SYT16: variants seen among roughly 807,000 people sequenced by gnomAD.
The protein encoded by SYT16 is synaptotagmin 16.
Under a neutral mutation model 61.4 loss-of-function variants are expected in SYT16, and 42 were observed. The observed-to-expected ratio is 0.68, with a 90% CI of 0.53 to 0.89. The LOEUF is 0.89. Ranked by LOEUF, SYT16 falls within the 40% of genes least tolerant of loss-of-function variation. SYT16 has a pLI of 0.00. For missense variants in SYT16, 804 were observed against 807.3 expected, an observed-to-expected ratio of 1.00 and a Z score of 0.05; for synonymous variants, 314 against 302.3, an observed-to-expected ratio of 1.04 and a Z score of -0.40.
chr14:62,024,440 TTAAAA>T (rs770230551), intron 3 of SYT16, among the ~76,000 whole-genome samples: 11 of 152,104 alleles, frequency 7.2e-5, no homozygotes, highest in Non-Finnish European at 1.5e-4. Context: ...TGTATTATCC[TTAAAA>T]TAAAAATTAT....
intron 3 of SYT16, among the ~76,000 whole-genome samples, chr14:61,999,558 A>G (rs1211623679): frequency 6.6e-6 from 1 of 151,530 alleles, no homozygotes; most frequent in Non-Finnish European, 1.5e-5. Context: ...TTTTCCAAAT[A>G]TCTCATTTTT....
chr14:61,927,676 C>T (rs1039785797), intron 1 of SYT16, among the ~76,000 whole-genome samples: 7 of 152,206 alleles, frequency 4.6e-5, no homozygotes, highest in Non-Finnish European at 8.8e-5. Flanking sequence ...TCTACCTCCT[C>T]GTTAGCAAAC....
chr14:61,953,054 CTT>C (rs2050734834), intron 1 of SYT16, among the ~76,000 whole-genome samples: 1 of 152,102 alleles, frequency 6.6e-6, no homozygotes, highest in Non-Finnish European at 1.5e-5. Context: ...TTGTTCTTCT[CTT>C]CTTTTAGTTC....
chr14:61,940,523 A>G (rs2050166236), intron 1 of SYT16, among the ~76,000 whole-genome samples: 1 of 152,204 alleles, frequency 6.6e-6, no homozygotes, highest in Non-Finnish European at 1.5e-5. Flanking sequence ...AGCATTCTGC[A>G]ACTTTGGATA....
chr14:61,886,512 T>C (rs918293100), intron 1 of SYT16, among the ~76,000 whole-genome samples: 1 of 152,244 alleles, frequency 6.6e-6, no homozygotes, highest in African/African-American at 2.4e-5. Flanking sequence ...CAGGAGTAGA[T>C]TCTGTCTTAA....
At chr14:61,888,485 G>T (rs2048000417) in intron 1 of SYT16, among the ~76,000 whole-genome samples, 1 of 152,126 alleles carries the variant, frequency 6.6e-6, no homozygotes, top group Non-Finnish European at 1.5e-5. Flanking sequence ...GGAGAGATGT[G>T]GGGGAATGAC....
intron 1 of SYT16, among the ~76,000 whole-genome samples, chr14:61,817,640 A>G (rs560475406): frequency 6.6e-6 from 1 of 152,298 alleles, no homozygotes; most frequent in Non-Finnish European, 1.5e-5. Flanking sequence ...TAAAGAGACC[A>G]CTAAATGCAA....
chr14:61,963,159 G>A (rs1465246459), intron 1 of SYT16, among the ~76,000 whole-genome samples: 1 of 151,976 alleles, frequency 6.6e-6, no homozygotes, highest in Non-Finnish European at 1.5e-5. Context: ...TTAAAATTAG[G>A]CCAATTAACA....
intron 1 of SYT16, among the ~76,000 whole-genome samples, chr14:61,858,128 A>C (rs895663515): frequency 7.9e-6 from 1 of 126,120 alleles, no homozygotes; most frequent in Non-Finnish European, 1.6e-5. Flanking sequence ...GGCAAAAAAA[A>C]AAAAAAAAAA....
At chr14:61,859,673 C>T (rs2046907595) in intron 1 of SYT16, among the ~76,000 whole-genome samples, 1 of 151,958 alleles carries the variant, frequency 6.6e-6, no homozygotes, top group African/African-American at 2.4e-5. Flanking sequence ...ATACCCCAGA[C>T]AATGTAGCCT....
intron 1 of SYT16, among the ~76,000 whole-genome samples, chr14:61,885,409 G>T (rs2047862126): frequency 6.8e-6 from 1 of 148,124 alleles, no homozygotes; most frequent in Non-Finnish European, 1.5e-5. Context: ...TGATGATGAT[G>T]ATTACTGAGG....
At chr14:61,925,151 G>A (rs1207198704) in intron 1 of SYT16, among the ~76,000 whole-genome samples, 1 of 152,194 alleles carries the variant, frequency 6.6e-6, no homozygotes, top group Non-Finnish European at 1.5e-5. Flanking sequence ...TAAACACTGG[G>A]GGGCAGTCTC....
chr14:61,825,450 G>A (rs974671413), intron 1 of SYT16, among the ~76,000 whole-genome samples: 1 of 152,176 alleles, frequency 6.6e-6, no homozygotes, highest in African/African-American at 2.4e-5. Flanking sequence ...GGAGGTGGAG[G>A]CAGGTGGATT....
intron 3 of SYT16, among the ~76,000 whole-genome samples, chr14:62,046,930 A>C (rs1440209235): frequency 1.3e-5 from 2 of 152,212 alleles, no homozygotes; most frequent in Non-Finnish European, 2.9e-5. Flanking sequence ...TTGACTGGGC[A>C]ATGCGGGCTC....
intron 1 of SYT16, among the ~76,000 whole-genome samples, chr14:61,901,881 C>T (rs952310018): frequency 2.6e-5 from 4 of 151,946 alleles, no homozygotes; most frequent in African/African-American, 9.7e-5. Context: ...CCTGTCTCAG[C>T]CTCCAGAGTA....
intron 1 of SYT16, among the ~76,000 whole-genome samples, chr14:61,861,877 A>C (rs888148757): frequency 6.6e-6 from 1 of 152,264 alleles, no homozygotes; most frequent in Non-Finnish European, 1.5e-5. Context: ...ATACAATAGC[A>C]TCATATCCAA....
At chr14:62,019,357 TATCAC>T (rs1221028647) in intron 3 of SYT16, among the ~76,000 whole-genome samples, 1 of 152,190 alleles carries the variant, frequency 6.6e-6, no homozygotes, top group African/African-American at 2.4e-5. Flanking sequence ...TTTTTTAACT[TATCAC>T]AGTGAGCGTG....
chr14:62,037,847 G>T (rs1370850626), intron 3 of SYT16, among the ~76,000 whole-genome samples: 3 of 152,086 alleles, frequency 2.0e-5, no homozygotes, highest in Non-Finnish European at 4.4e-5. Flanking sequence ...TGCCTGCTTT[G>T]TGGCCCCCCA....
intron 3 of SYT16, among the ~76,000 whole-genome samples, chr14:62,002,790 G>A (rs2053072798): frequency 6.6e-6 from 1 of 152,116 alleles, no homozygotes; most frequent in African/African-American, 2.4e-5. Context: ...GCTATCAAGA[G>A]CTGCCTGAGA....
Sources: allele counts gnomAD v4.1 joint callset (sites outside exome capture counted in the v4.1 genomes callset), GRCh38; gene constraint gnomAD v4.1.1; transcripts MANE v1.5; gene names NCBI Gene and HGNC (gene_info 2026-07-23, HGNC 2026-07-21).